Variants in LMTK2 observed in about 807,000 individuals in gnomAD.
LMTK2 encodes the protein lemur tail kinase 2.
Under a neutral mutation model 127.5 loss-of-function variants are expected in LMTK2, and 37 were observed. That is an observed-to-expected ratio of 0.29 (90% confidence interval 0.22 to 0.38). The LOEUF (loss-of-function observed/expected upper bound fraction) is 0.38. Among genes scored for constraint, LMTK2 ranks in the 10% least tolerant of loss-of-function variants. LMTK2 has a pLI of 1.00. For synonymous variants in LMTK2, 819 were observed against 810.1 expected (o/e 1.01, Z -0.19); for missense variants, 1,694 against 1,920.3 (o/e 0.88, Z 2.20).
At chr7:98,180,401 C>CT (rs1797338223) in intron 7 of LMTK2, among the ~76,000 whole-genome samples, 1 of 152,134 alleles carries the variant, frequency 6.6e-6, no homozygotes, top group Admixed American at 6.5e-5. Context: ...AATTTAATGG[C>CT]TTTTTTATTC....
rs138699553 is a variant in LMTK2, at chr7:98,147,462, C to T, written c.377-3920C>T. ...CTGGTCTCAAACTTCTGGGCTCAAG[C>T]AGTCCTCCCACCTTAGCCTCCCAAA... On this transcript the variant is annotated intron_variant, in intron 3 of 13. Coordinates refer to ENST00000297293, the MANE Select transcript of LMTK2 (RefSeq NM_014916.4). 2.8e-4 allele frequency among the ~76,000 whole-genome samples: 43 copies of T among 152,282 alleles called. No individual in the cohort carries two copies. In the East Asian group the frequency reaches 7.0e-3, roughly 25 times the overall value.
At chr7:98,188,263 C>G (rs1346542138) in intron 9 of LMTK2, among the ~76,000 whole-genome samples, 1 of 151,868 alleles carries the variant, frequency 6.6e-6, no homozygotes, top group African/African-American at 2.4e-5. Context: ...TTCTTTCCCC[C>G]TTGTGTATCT....
Position 98,151,390 on chromosome 7 carries a change from A to G in LMTK2, c.385A>G (p.Lys129Glu). ...TGTTTTTTTCTCTACAGAGGGATTG[A>G]AGTCTCAAGTTGCCCGCCACAGTCT... is the stretch of plus-strand genomic sequence containing the variant. ...SQFQPSVEGL[K>E]SQVARHSLNY... Residue 129 changes from lysine to glutamate, a missense_variant, in exon 4 of 14, where the codon AAG becomes GAG. Physicochemically the swap from Lys to Glu is moderately conservative, Grantham distance 56. Around this residue, in one of 8 missense-constraint regions of LMTK2, gnomAD observed 203 missense variants for 226.2 expected, o/e 0.90. Coordinates refer to ENST00000297293, the MANE Select transcript of LMTK2 (RefSeq NM_014916.4). 6.2e-7 allele frequency: 1 copy of G among 1,611,678 alleles called. No individual in the cohort carries two copies. The highest frequency in any genetic ancestry group is 8.5e-7 in the Non-Finnish European group (1 of 1,177,822).
chr7:98,167,638 C>T (rs980037084), intron 6 of LMTK2, among the ~76,000 whole-genome samples: 3 of 152,220 alleles, frequency 2.0e-5, no homozygotes, highest in African/African-American at 7.2e-5. Flanking sequence ...ATGCCACTTA[C>T]TGAGACTGGC....
At chr7:98,154,940 A>C in intron 5 of LMTK2, 64 bp downstream of exon 5, 2 of 921,000 alleles carry the variant, frequency 2.2e-6, no homozygotes, top group Non-Finnish European at 3.6e-6. Flanking sequence ...TCAGGTGTTT[A>C]AAACTACTGT....
chr7:98,183,744 A>G (rs1383507021), intron 7 of LMTK2, among the ~76,000 whole-genome samples: 2 of 152,170 alleles, frequency 1.3e-5, no homozygotes, highest in Non-Finnish European at 2.9e-5. Context: ...CGTGTTGGCC[A>G]GGCTGGTCTT....
rs1797707135 is a variant in LMTK2 at position 98,201,690 on chromosome 7, C to T, written c.4108-1884C>T. Among the ~76,000 whole-genome samples, 3 of 152,072 alleles carry T rather than the reference C, an allele frequency of 2.0e-5. No individual in the cohort carries two copies. In the South Asian group the frequency reaches 6.2e-4, roughly 31 times the overall value. ...AGTGGCACGATCATAGGTCACTGCA[C>T]CCTTGAACTCCTGGGCTCCAGTGAT... On this transcript the variant is annotated intron_variant, in intron 11 of 13. Coordinates refer to ENST00000297293, the MANE Select transcript of LMTK2 (RefSeq NM_014916.4).
At chr7:98,175,611 C>T (rs1016056159) in intron 7 of LMTK2, among the ~76,000 whole-genome samples, 6 of 152,218 alleles carry the variant, frequency 3.9e-5, no homozygotes, top group African/African-American at 7.2e-5. Context: ...AACCGGAATT[C>T]ATATATGGTG....
rs1797841748 is a variant in LMTK2 at position 98,208,447 on chromosome 7, A to T, written c.*2955A>T. 6.6e-6 allele frequency: 1 copy of T among 152,176 alleles called. No individual in the cohort carries two copies. Among genetic ancestry groups the T allele is most frequent in the Non-Finnish European group, 1.5e-5 (1 of 68,022 alleles). The allele number at this position is 152,176 out of a possible 1,614,324, so 9.4% of individuals were successfully genotyped here. A position where few individuals can be genotyped will look rare whatever the true frequency, so the allele number is the denominator to read the frequency against. On this transcript the variant is annotated 3_prime_UTR_variant, in exon 14 of 14. Coordinates refer to ENST00000297293, the MANE Select transcript of LMTK2 (RefSeq NM_014916.4). ...TATCAGTGGTGGGTTTTCAAAATGT[A>T]CTTGTTCTAATAAGTTGTACAATGA...
At chr7:98,123,560 TC>T (rs1796397740) in intron 1 of LMTK2, among the ~76,000 whole-genome samples, 1 of 152,102 alleles carries the variant, frequency 6.6e-6, no homozygotes, top group Admixed American at 6.6e-5. Context: ...TTTTAAGACT[TC>T]CTATGTGTCT....
chr7:98,164,341 G>T (rs1287180766), intron 6 of LMTK2, among the ~76,000 whole-genome samples: 5 of 152,200 alleles, frequency 3.3e-5, no homozygotes, highest in African/African-American at 7.2e-5. Flanking sequence ...GAAGTGCCGG[G>T]AGCTGCCTGG....
chr7:98,193,418 G>A lies in LMTK2; in HGVS notation c.2953G>A (p.Ala985Thr). Residue 985 changes from alanine (A) to threonine (T), a missense_variant, in exon 11 of 14, where the codon GCA (alanine) becomes ACA (threonine). Physicochemically the swap from Ala to Thr is moderately conservative, Grantham distance 58. Transcript: ENST00000297293. This position sits in a 1 kb window ranked among gnomAD's most constrained non-coding sequence, Gnocchi z 4.1. ...QDSLLEDSLSAPFPASEPSLE... is the reference protein window; with the variant it reads ...QDSLLEDSLSTPFPASEPSLE... ...CAGCCTCCTGGAGGACAGCTTGTCA[G>A]CACCCTTCCCAGCCTCTGAGCCGTC... 6.2e-7 allele frequency: 1 copy of A among 1,614,146 alleles called. No individual in the cohort carries two copies. The highest frequency in any genetic ancestry group is 2.2e-5 in the East Asian group (1 of 44,882).
At chr7:98,186,270 C>T (rs1346275678) in intron 8 of LMTK2, among the ~76,000 whole-genome samples, 1 of 152,068 alleles carries the variant, frequency 6.6e-6, no homozygotes, top group Non-Finnish European at 1.5e-5. Context: ...ACCCTGTTGG[C>T]CAGGCTGGTC....
chr7:98,116,203 G>A (rs1562894752), intron 1 of LMTK2, among the ~76,000 whole-genome samples: 1 of 152,170 alleles, frequency 6.6e-6, no homozygotes, highest in Non-Finnish European at 1.5e-5. Context: ...CTACATCATT[G>A]TTTAAGTCCT....
intron 1 of LMTK2, among the ~76,000 whole-genome samples, chr7:98,124,850 G>A (rs1796420808): frequency 2.0e-5 from 3 of 152,086 alleles, no homozygotes; most frequent in African/African-American, 7.2e-5. Context: ...GAGTTGTTAT[G>A]GAATTGGAAG....
In LMTK2 at chr7:98,159,446, C is replaced by A. The variant is rs549540992; in HGVS notation, c.657+21C>A. 4.7e-6 allele frequency: 7 copies of A among 1,502,408 alleles called. No individual in the cohort carries two copies. In the African/African-American group the frequency reaches 8.2e-5, roughly 18 times the overall value. 93.1% of individuals were successfully genotyped at this position (1,502,408 alleles called of 1,614,324 possible). A position where few individuals can be genotyped will look rare whatever the true frequency, so the allele number is the denominator to read the frequency against. ...ACTTGGTAAGTTCCTTGAAGGAATTCAAGTTCGAGTATTCCAGAGGTTGTA... is the reference window on the plus strand; with the variant it reads ...ACTTGGTAAGTTCCTTGAAGGAATTAAAGTTCGAGTATTCCAGAGGTTGTA... On this transcript the variant is annotated intron_variant, in intron 6 of 13. Coordinates refer to ENST00000297293, the MANE Select transcript of LMTK2 (RefSeq NM_014916.4).
chr7:98,113,198 A>G (rs576882002), intron 1 of LMTK2, among the ~76,000 whole-genome samples: 7 of 152,208 alleles, frequency 4.6e-5, no homozygotes, highest in African/African-American at 1.7e-4. Context: ...CCCCCATGCT[A>G]TTCTTGTGAT....
At chr7:98,196,268 T>G (rs993031067) in intron 11 of LMTK2, among the ~76,000 whole-genome samples, 3 of 151,954 alleles carry the variant, frequency 2.0e-5, no homozygotes, top group African/African-American at 7.3e-5. Flanking sequence ...GGAGGCCGTC[T>G]TTCTCTTTTC....
At chr7:98,170,623 T>G (rs1797169063) in intron 6 of LMTK2, among the ~76,000 whole-genome samples, 1 of 152,112 alleles carries the variant, frequency 6.6e-6, no homozygotes, top group Admixed American at 6.6e-5. Context: ...ATTGGCTTGC[T>G]TTCTAAATTT....
Sources: gnomAD v4.1 joint callset for allele counts (sites outside exome capture counted in the v4.1 genomes callset) on GRCh38, gnomAD v4.1.1 for gene constraint, gnomAD v4.1.1 regional missense constraint, Gnocchi (gnomAD v3.1) non-coding constraint, MANE v1.5 for transcripts, NCBI Gene and HGNC (gene_info 2026-07-23, HGNC 2026-07-21) for gene names.